The following NRTN variants were observed in gnomAD, a reference collection of about 807,000 sequenced individuals.
NRTN encodes prepro-neurturin.
In NRTN, 3 loss-of-function variants were observed where a neutral mutation model predicts 7.5. The observed-to-expected ratio is 0.40, with a 90% confidence interval of 0.18 to 1.03. The LOEUF (loss-of-function observed/expected upper bound fraction) is 1.03, where lower values mean the gene tolerates loss of function less well. Ranked by LOEUF, NRTN falls within the 50% of genes least tolerant of loss-of-function variation. The probability of loss-of-function intolerance (pLI) is 0.34; values close to 1 mark genes in which losing one functional copy is unlikely to be tolerated. For missense variants in NRTN, 310 were observed against 307.0 expected (o/e 1.01, Z -0.07); for synonymous variants, 157 against 146.6 (o/e 1.07, Z -0.51).
Position 5,828,045 on chromosome 19 carries a change from C to A in NRTN, c.466C>A (p.Arg156=). The part of the protein sequence containing the change: ...RRLRQRRRLR[R]ERVRAQPCCR... ...ACTGCGCCAGCGGCGGCGCCTGCGG[C>A]GGGAGCGGGTGCGCGCGCAGCCCTG... The change falls in exon 3 of 3, where the codon CGG becomes AGG. Residue 156 remains arginine (R), a synonymous_variant. Coordinates refer to ENST00000303212, the MANE Select transcript of NRTN (RefSeq NM_004558.5). The A allele has an allele frequency of 7.1e-7, 1 of 1,411,248 alleles. No homozygotes were observed. Among genetic ancestry groups the A allele is most frequent in the Non-Finnish European group, 9.2e-7 (1 of 1,091,146 alleles). The allele number at this position is 1,411,248 out of a possible 1,614,324, so 87.4% of individuals were successfully genotyped here. A position where few individuals can be genotyped will look rare whatever the true frequency, so the allele number is the denominator to read the frequency against.
chr19:5,805,396 G>C lies in NRTN; in HGVS notation c.-454G>C, dbSNP rs1004763328. Among the ~76,000 whole-genome samples the C allele has an allele frequency of 2.3e-3, 4 of 1,742 alleles. No homozygotes were observed. Among genetic ancestry groups the C allele is most frequent in the Non-Finnish European group, 2.9e-3 (3 of 1,024 alleles). 1.1% of individuals were successfully genotyped at this position (1,742 alleles called of 152,430 possible). On this transcript the variant is annotated 5_prime_UTR_variant, in exon 1 of 3. Transcript: ENST00000303212. Reference sequence around the variant, plus strand: ...CCCGGATGGCGGTCGCGGCGGCTGGGGCAGGGGCTGGGGCCGCGCGGCCGC... The same window carrying C: ...CCCGGATGGCGGTCGCGGCGGCTGGCGCAGGGGCTGGGGCCGCGCGGCCGC...
intron 2 of NRTN, 48 bp downstream of exon 2, chr19:5,824,382 A>T: frequency 6.4e-7 from 1 of 1,557,686 alleles, no homozygotes; most frequent in Non-Finnish European, 8.7e-7. Context: ...CGTAAGGGGT[A>T]GAATTTCAGG....
chr19:5,811,491 A>G (rs546042173), intron 1 of NRTN, among the ~76,000 whole-genome samples: 1 of 152,298 alleles, frequency 6.6e-6, no homozygotes, highest in Admixed American at 6.5e-5. Flanking sequence ...AAGTGCTTAG[A>G]ATGGCACTAA....
chr19:5,813,560 C>T (rs906537070), intron 1 of NRTN, among the ~76,000 whole-genome samples: 1 of 151,554 alleles, frequency 6.6e-6, no homozygotes, highest in Non-Finnish European at 1.5e-5. Flanking sequence ...TGTAATCCTA[C>T]CTACTCGGGA....
chr19:5,828,171 T>A lies in NRTN; in HGVS notation c.592T>A (p.Ter198ArgextTer29), dbSNP rs1029336069. The A allele has an allele frequency of 6.5e-7, 1 of 1,530,438 alleles. No individual in the cohort carries two copies. Among genetic ancestry groups the A allele is most frequent in the South Asian group, 1.2e-5 (1 of 83,694 alleles). The allele number at this position is 1,530,438 out of a possible 1,614,324, so 94.8% of individuals were successfully genotyped here. Residue 198 changes from the stop codon to arginine (R), a stop_lost, in exon 3 of 3, where the codon TGA (stop) becomes AGA (arginine). Transcript: ENST00000303212. ...ELSARECACV[*>R] ...GTCGGCGCGCGAGTGCGCCTGCGTGTGACCCTACCTCACTCGGCCGGCGCG... is the reference window on the plus strand; with the variant it reads ...GTCGGCGCGCGAGTGCGCCTGCGTGAGACCCTACCTCACTCGGCCGGCGCG...
rs1040970050 is a variant in NRTN at position 5,805,343 on chromosome 19, C to G, written c.-507C>G. On this transcript the variant is annotated 5_prime_UTR_variant, in exon 1 of 3. Coordinates refer to ENST00000303212, the MANE Select transcript of NRTN (RefSeq NM_004558.5). ...CGCGGCCGCCCCCTCCGGCCCGGGC[C>G]CCCCCCGGGCACCGCGGGCCCAGGC... is the stretch of plus-strand genomic sequence containing the variant. Among the ~76,000 whole-genome samples the G allele has an allele frequency of 6.6e-5, 9 of 137,070 alleles. No homozygotes were observed. Among genetic ancestry groups the G allele is most frequent in the Non-Finnish European group, 1.2e-4 (8 of 65,710 alleles). The allele number at this position is 137,070 out of a possible 152,430, so 89.9% of individuals were successfully genotyped here. A position where few individuals can be genotyped will look rare whatever the true frequency, so the allele number is the denominator to read the frequency against.
intron 1 of NRTN, among the ~76,000 whole-genome samples, chr19:5,808,964 C>T (rs1226115232): frequency 1.3e-5 from 2 of 151,786 alleles, no homozygotes; most frequent in African/African-American, 2.4e-5. Flanking sequence ...ACTGTGTTAG[C>T]CAGGATGGTC....
At chr19:5,814,921 C>T (rs1460013345) in intron 1 of NRTN, among the ~76,000 whole-genome samples, 4 of 152,202 alleles carry the variant, frequency 2.6e-5, no homozygotes, top group African/African-American at 4.8e-5. Flanking sequence ...AGGATTTCTA[C>T]GTTTTCTCCA....
Position 5,828,167 on chromosome 19 carries a change from C to A in NRTN, c.588C>A (p.Cys196Ter). ...VHELSARECA[C>*]V ...AGCTGTCGGCGCGCGAGTGCGCCTG[C>A]GTGTGACCCTACCTCACTCGGCCGG... Residue 196 changes from cysteine to a stop codon, truncating the protein, a stop_gained, in exon 3 of 3, where the codon TGC becomes TGA. Transcript: ENST00000303212. LOFTEE classifies it high-confidence loss of function. 6.5e-7 allele frequency: 1 copy of A among 1,530,556 alleles called. No homozygotes were observed. Among genetic ancestry groups the A allele is most frequent in the Non-Finnish European group, 8.7e-7 (1 of 1,144,364 alleles). 94.8% of individuals were successfully genotyped at this position (1,530,556 alleles called of 1,614,324 possible). A position where few individuals can be genotyped will look rare whatever the true frequency, so the allele number is the denominator to read the frequency against.
chr19:5,827,622 C>A, intron 2 of NRTN, 127 bp from the exon 3 acceptor site: 1 of 332,284 alleles, frequency 3.0e-6, no homozygotes, highest in Non-Finnish European at 4.6e-6. Flanking sequence ...GGGAGTGAGA[C>A]GAGAAGCCGT....
intron 1 of NRTN, among the ~76,000 whole-genome samples, chr19:5,817,564 AAGGG>A (rs201590947): frequency 0.012 from 1,517 of 126,222 alleles, 20 homozygotes; most frequent in African/African-American, 0.031. Context: ...GGAAGGAAGG[AAGGG>A]AGGGAGGGAG....
At position 5,813,764 on chromosome 19, in the gene NRTN, C is replaced by T. The variant is rs146495370; in HGVS notation, c.-399+8313C>T. ...CTGAGACAGGAGAATCGCTTGAACT[C>T]GGGAGCCAGAGGTTGCAGTGAGCTG... On this transcript the variant is annotated intron_variant, in intron 1 of 2. Coordinates refer to ENST00000303212, the MANE Select transcript of NRTN (RefSeq NM_004558.5). Among the ~76,000 whole-genome samples, 1,023 of 151,460 alleles carry T rather than the reference C, an allele frequency of 6.8e-3. 10 individuals are homozygous for T. Among genetic ancestry groups the T allele is most frequent in the African/African-American group, 0.023 (965 of 41,246 alleles).
chr19:5,815,673 G>A (rs936439057), intron 1 of NRTN, among the ~76,000 whole-genome samples: 22 of 147,430 alleles, frequency 1.5e-4, no homozygotes, highest in African/African-American at 5.2e-4. Context: ...TGACCTCCAG[G>A]GATCCGCCTG....
rs771955448 is a variant in NRTN, at chr19:5,824,118, G to A, written c.-48G>A. ...CGCCCTGTGCCCGTTGGCTGCTGGA[G>A]GGACAGACGGGGCGTGCGGCTGACC... On this transcript the variant is annotated 5_prime_UTR_variant, in exon 2 of 3. Transcript: ENST00000303212. 5.6e-6 allele frequency: 9 copies of A among 1,599,034 alleles called. No homozygotes were observed. The highest frequency in any genetic ancestry group is 5.3e-5 in the African/African-American group (4 of 74,852).
chr19:5,817,463 A>AAGGAAGGAAGGAAGGGAAAGAGAG (rs2057008585), intron 1 of NRTN, among the ~76,000 whole-genome samples: 1 of 117,294 alleles, frequency 8.5e-6, no homozygotes, highest in Non-Finnish European at 1.9e-5. Flanking sequence ...GAAAGAGAGA[A>AAGGAAGGAAGGAAGGGAAAGAGAG]AGAGAGGAAG....
intron 2 of NRTN, among the ~76,000 whole-genome samples, chr19:5,826,036 G>A (rs1321275632): frequency 6.6e-6 from 1 of 152,128 alleles, no homozygotes; most frequent in Non-Finnish European, 1.5e-5. Context: ...TCGGGAGGCT[G>A]AGGCGGGAGA....
Position 5,828,100 on chromosome 19 carries a change from T to C in NRTN, c.521T>C (p.Val174Ala). ...CCRPTAYEDEVSFLDAHSRYH... is the reference protein window; with the variant it reads ...CCRPTAYEDEASFLDAHSRYH... ...CGCCCGACGGCCTACGAGGACGAGG[T>C]GTCCTTCCTGGACGCGCACAGCCGC... is the stretch of plus-strand genomic sequence containing the variant. Residue 174 changes from valine (V) to alanine (A), a missense_variant, in exon 3 of 3, where the codon GTG becomes GCG. Coordinates refer to ENST00000303212, the MANE Select transcript of NRTN (RefSeq NM_004558.5). The C allele has an allele frequency of 1.3e-6, 2 of 1,497,586 alleles. No individual in the cohort carries two copies. The highest frequency in any genetic ancestry group is 8.8e-7 in the Non-Finnish European group (1 of 1,131,142). 92.8% of individuals were successfully genotyped at this position (1,497,586 alleles called of 1,614,324 possible). A position where few individuals can be genotyped will look rare whatever the true frequency, so the allele number is the denominator to read the frequency against.
intron 1 of NRTN, among the ~76,000 whole-genome samples, chr19:5,808,396 C>T (rs549249708): frequency 6.6e-6 from 1 of 152,302 alleles, no homozygotes; most frequent in African/African-American, 2.4e-5. Flanking sequence ...GGCAGCCTGG[C>T]CAGCCCCAAG....
In NRTN at chr19:5,810,562, G is replaced by T. The variant is rs1045343309; in HGVS notation, c.-399+5111G>T. The stretch of plus-strand genomic sequence containing the variant: ...TGTAGAGGAAAGCACTCATCACAGT[G>T]TCTGCCTCTAAATAATGGAATAGCC... On this transcript the variant is annotated intron_variant, in intron 1 of 2. Transcript: ENST00000303212. Among the ~76,000 whole-genome samples the T allele has an allele frequency of 2.0e-5, 3 of 152,092 alleles. 1 individual carries two copies. Among genetic ancestry groups the T allele is most frequent in the African/African-American group, 7.2e-5 (3 of 41,430 alleles).
Sources: gnomAD v4.1 joint callset for allele counts (sites outside exome capture counted in the v4.1 genomes callset) on GRCh38, gnomAD v4.1.1 for gene constraint, MANE v1.5 for transcripts, NCBI Gene and HGNC (gene_info 2026-07-23, HGNC 2026-07-21) for gene names.